MMP20: variants seen among roughly 807,000 people sequenced by gnomAD.
MMP20 encodes matrix metalloproteinase-20.
In MMP20, 50 loss-of-function variants were observed where a neutral mutation model predicts 51.8. The ratio of observed to expected loss-of-function variants is 0.97; its 90% CI spans 0.77 to 1.22. The LOEUF (loss-of-function observed/expected upper bound fraction) is 1.22, where lower values mean the gene tolerates loss of function less well. Ranked by LOEUF, MMP20 falls within the 50% of genes most tolerant of loss-of-function variation. The pLI is 0.00. For synonymous variants in MMP20, 244 were observed against 216.2 expected, an observed-to-expected ratio of 1.13 and a Z score of -1.13; for missense variants, 663 against 601.4, an observed-to-expected ratio of 1.10 and a Z score of -1.07.
At chr11:102,603,760 G>T (rs1439284194) in intron 6 of MMP20, among the ~76,000 whole-genome samples, 1 of 152,146 alleles carries the variant, frequency 6.6e-6, no homozygotes, top group African/African-American at 2.4e-5. Flanking sequence ...GGAATCATCT[G>T]CCCTACCCCA....
rs566999332 is a variant in MMP20, at chr11:102,617,949, G to A, written c.127-890C>T. On this transcript the variant is annotated intron_variant, in intron 1 of 9. Coordinates refer to ENST00000260228, the MANE Select transcript of MMP20 (RefSeq NM_004771.4). ...CAGTCCTCCTTTCATGTCCATGGGG[G>A]AATTGGTCCCAGGACCTCTCTCAGA... 2.6e-5 allele frequency among the ~76,000 whole-genome samples: 4 copies of A among 152,204 alleles called. No individual in the cohort carries two copies. The East Asian group carries it at 7.7e-4, about 29-fold the overall frequency.
In MMP20 at chr11:102,611,400, T is replaced by C. The variant is rs144668132; in HGVS notation, c.523+355A>G. 3.3e-4 allele frequency among the ~76,000 whole-genome samples: 51 copies of C among 152,296 alleles called. No individual in the cohort carries two copies. In the East Asian group the frequency reaches 6.6e-3, roughly 20 times the overall value. On this transcript the variant is annotated intron_variant, in intron 3 of 9. Coordinates refer to ENST00000260228, the MANE Select transcript of MMP20 (RefSeq NM_004771.4). ...CATGGTAGGATATCCTTGGCTAATA[T>C]AGAAGGGGTTATATAAGTGATAAAC...
chr11:102,606,752 G>A, intron 5 of MMP20, 76 bp from the exon 6 acceptor site: 2 of 1,559,362 alleles, frequency 1.3e-6, no homozygotes, highest in Admixed American at 1.7e-5. Flanking sequence ...GAGCCCCAGG[G>A]GAGGTTGTAC....
At position 102,625,308 on chromosome 11, in the gene MMP20, G is replaced by A. The variant is rs747582394; in HGVS notation, c.12C>T (p.Leu4=). 2 of 1,613,460 alleles carry A rather than the reference G, an allele frequency of 1.2e-6. No homozygotes were observed. Among genetic ancestry groups the A allele is most frequent in the Non-Finnish European group, 1.7e-6 (2 of 1,179,740 alleles). Reference sequence around the variant, plus strand: ...GGAAGACAGCAAGGCCAGATGCAGGGAGCACCTTCATCCCCTCACAGTAGC... The same window carrying A: ...GGAAGACAGCAAGGCCAGATGCAGGAAGCACCTTCATCCCCTCACAGTAGC... MKV[L]PASGLAVFLI... The change falls in exon 1 of 10, where the codon CTC becomes CTT. Residue 4 remains leucine (L), a synonymous_variant. Transcript: ENST00000260228.
intron 2 of MMP20, among the ~76,000 whole-genome samples, chr11:102,615,079 A>T (rs920353616): frequency 1.4e-5 from 2 of 147,702 alleles, no homozygotes; most frequent in Non-Finnish European, 3.0e-5. Flanking sequence ...AATATAATGT[A>T]TTTAATATAA....
intron 8 of MMP20, among the ~76,000 whole-genome samples, chr11:102,591,363 CT>C (rs1420135317): frequency 3.3e-5 from 5 of 152,316 alleles, no homozygotes; most frequent in Middle Eastern, 3.4e-3. Flanking sequence ...AGGAAATTCC[CT>C]TTGACCAGAT....
intron 6 of MMP20, among the ~76,000 whole-genome samples, chr11:102,599,860 C>T (rs1859425163): frequency 6.6e-6 from 1 of 152,154 alleles, no homozygotes; most frequent in Admixed American, 6.5e-5. Context: ...AACTAAAAAC[C>T]CATCTGTAGC....
At chr11:102,579,010 TGAA>T (rs1859161848) in intron 9 of MMP20, 26 bp downstream of exon 9, 4 of 1,492,256 alleles carry the variant, frequency 2.7e-6, no homozygotes, top group Non-Finnish European at 3.7e-6. Flanking sequence ...ATAGTTTTCA[TGAA>T]GAAAGTTTTC....
At chr11:102,603,591 A>G (rs1711430) in intron 6 of MMP20, among the ~76,000 whole-genome samples, 76,727 of 152,032 alleles carry the variant, frequency 0.5, 19,844 homozygotes, top group South Asian at 0.64. Flanking sequence ...GCTTTGCATA[A>G]TAAGTACTGA....
intron 8 of MMP20, among the ~76,000 whole-genome samples, chr11:102,591,199 A>G (rs1261031775): frequency 1.3e-5 from 2 of 152,158 alleles, no homozygotes; most frequent in African/African-American, 2.4e-5. Flanking sequence ...TAAACTTTTG[A>G]GCTATAGGTG....
At chr11:102,594,292 T>C (rs1859353224) in intron 7 of MMP20, among the ~76,000 whole-genome samples, 1 of 152,224 alleles carries the variant, frequency 6.6e-6, no homozygotes, top group Non-Finnish European at 1.5e-5. Context: ...CTTTTATTTA[T>C]TAAAGGATGT....
chr11:102,606,368 G>T (rs958023637), intron 6 of MMP20, among the ~76,000 whole-genome samples, 167 bp downstream of exon 6: 18 of 152,186 alleles, frequency 1.2e-4, no homozygotes, highest in African/African-American at 4.3e-4. Context: ...AGTAGTTTTG[G>T]CAGTTCTCTA....
rs754156367 is a variant in MMP20 at position 102,578,993 on chromosome 11, T to C, written c.1351+46A>G. On this transcript the variant is annotated intron_variant, in intron 9 of 9. Transcript: ENST00000260228. ...GTTGTGTTAAAGCAAAGCCAAGATT[T>C]CTTATGATAGTTTTCATGAAGAAAG... 9 of 1,390,340 alleles carry C rather than the reference T, an allele frequency of 6.5e-6. No homozygotes were observed. In the Admixed American group the frequency reaches 1.5e-4, roughly 23 times the overall value. 86.1% of individuals were successfully genotyped at this position (1,390,340 alleles called of 1,614,324 possible).
At chr11:102,580,834 A>G (rs1859184062) in intron 8 of MMP20, among the ~76,000 whole-genome samples, 1 of 152,226 alleles carries the variant, frequency 6.6e-6, no homozygotes, top group Non-Finnish European at 1.5e-5. Context: ...TAAACTGAGA[A>G]TAAAAGATGG....
rs1395472806 is a variant in MMP20, at chr11:102,606,519, C to T, written c.953+16G>A. On this transcript the variant is annotated intron_variant, in intron 6 of 9. Transcript: ENST00000260228. The stretch of plus-strand genomic sequence containing the variant: ...GATGAGGCCCAATGAGAGTCGGTGG[C>T]GTGTCTGAGGCTTACCGGTCCTTGA... 12 of 1,613,350 alleles carry T rather than the reference C, an allele frequency of 7.4e-6. No individual in the cohort carries two copies. The highest frequency in any genetic ancestry group is 3.3e-4 in the Middle Eastern group (2 of 6,002).
intron 6 of MMP20, among the ~76,000 whole-genome samples, chr11:102,598,148 A>C (rs1388215901): frequency 6.6e-6 from 1 of 152,260 alleles, no homozygotes; most frequent in Non-Finnish European, 1.5e-5. Flanking sequence ...TTGTGGCAAT[A>C]AAACAGTAAC....
chr11:102,577,577 C>G, intron 9 of MMP20, 151 bp from the exon 10 acceptor site: 1 of 678,702 alleles, frequency 1.5e-6, no homozygotes, highest in Non-Finnish European at 2.7e-6. Flanking sequence ...TCTTCATGCC[C>G]TAGAACCTGA....
At chr11:102,617,162 G>T in intron 1 of MMP20, 103 bp from the exon 2 acceptor site, 2 of 1,377,214 alleles carry the variant, frequency 1.5e-6, no homozygotes, top group Non-Finnish European at 2.0e-6. Flanking sequence ...AAAGCAGTGT[G>T]TAGAGTATTT....
intron 1 of MMP20, among the ~76,000 whole-genome samples, chr11:102,621,834 C>A (rs1859754620): frequency 6.6e-6 from 1 of 152,020 alleles, no homozygotes; most frequent in African/African-American, 2.4e-5. Context: ...AAGACAGTAA[C>A]AATTTTAAAA....
Sources: gnomAD v4.1 joint callset for allele counts (sites outside exome capture counted in the v4.1 genomes callset) on GRCh38, gnomAD v4.1.1 for gene constraint, MANE v1.5 for transcripts, NCBI Gene and HGNC (gene_info 2026-07-23, HGNC 2026-07-21) for gene names.